FGGY: variants seen among roughly 807,000 people sequenced by gnomAD.
The protein encoded by FGGY is FGGY carbohydrate kinase domain containing, also known as FGGY carbohydrate kinase domain-containing protein.
A neutral mutation model predicts 71.3 loss-of-function variants in FGGY; 72 were observed. That is an observed-to-expected ratio of 1.01 (90% CI 0.84 to 1.23). FGGY has a LOEUF of 1.23. Ranked by LOEUF, FGGY falls within the 50% of genes most tolerant of loss-of-function variation. The pLI, the probability that FGGY is intolerant of heterozygous loss-of-function variation, is 0.00. For synonymous variants in FGGY, 251 were observed against 250.3 expected (o/e 1.00, Z -0.02); for missense variants, 668 against 682.3 (o/e 0.98, Z 0.23).
chr1:59,413,849 T>C (rs979334924), intron 5 of FGGY, among the ~76,000 whole-genome samples: 23 of 152,144 alleles, frequency 1.5e-4, no homozygotes, highest in Admixed American at 1.4e-3. Context: ...TAGTCCCATC[T>C]CCTTGGGAGG....
intron 12 of FGGY, among the ~76,000 whole-genome samples, chr1:59,662,110 A>C (rs2097280620): frequency 1.3e-5 from 2 of 148,736 alleles, no homozygotes; most frequent in Non-Finnish European, 3.0e-5. Context: ...TCACGAGGTC[A>C]GGAGATCGAG....
chr1:59,663,705 G>A (rs543067443), intron 12 of FGGY, among the ~76,000 whole-genome samples: 14 of 152,206 alleles, frequency 9.2e-5, no homozygotes, highest in Admixed American at 8.5e-4. Flanking sequence ...TTTTTGTGGA[G>A]TCAAGTGAAT....
chr1:59,300,832 C>T (rs1466424283), intron 1 of FGGY, among the ~76,000 whole-genome samples: 1 of 152,074 alleles, frequency 6.6e-6, no homozygotes, highest in East Asian at 1.9e-4. Flanking sequence ...TTCAGTTGAT[C>T]TCTTGTCTAT....
intron 5 of FGGY, among the ~76,000 whole-genome samples, chr1:59,446,230 A>G (rs1395576818): frequency 1.3e-5 from 2 of 152,230 alleles, no homozygotes; most frequent in East Asian, 3.9e-4. Context: ...TTTGGTGGCA[A>G]CTTTAAGATC....
intron 4 of FGGY, among the ~76,000 whole-genome samples, chr1:59,376,683 T>A (rs1185007073): frequency 6.6e-6 from 1 of 152,208 alleles, no homozygotes. Flanking sequence ...TCCTACTGTG[T>A]GTTACCCTGC....
At chr1:59,713,838 A>G (rs980002195) in intron 14 of FGGY, among the ~76,000 whole-genome samples, 6 of 152,214 alleles carry the variant, frequency 3.9e-5, no homozygotes, top group Non-Finnish European at 5.9e-5. Flanking sequence ...CGCCCTGGAT[A>G]CAATTAGTAT....
At chr1:59,576,936 T>C (rs1024622505) in intron 8 of FGGY, among the ~76,000 whole-genome samples, 1 of 152,170 alleles carries the variant, frequency 6.6e-6, no homozygotes, top group African/African-American at 2.4e-5. Flanking sequence ...TGCCATTGGA[T>C]ACTCAGTATC....
chr1:59,717,008 C>T (rs2100495831), intron 14 of FGGY, among the ~76,000 whole-genome samples: 1 of 152,284 alleles, frequency 6.6e-6, no homozygotes, highest in African/African-American at 2.4e-5. Flanking sequence ...TAGTGATCAT[C>T]ATAACACTTA....
chr1:59,607,724 C>T (rs944365328), intron 8 of FGGY, 79 bp from the exon 9 acceptor site: 4 of 1,112,474 alleles, frequency 3.6e-6, no homozygotes, highest in Non-Finnish European at 5.3e-6. Context: ...ATTCCATGGT[C>T]ATAGAAATAT....
At chr1:59,407,849 G>A (rs598142) in intron 5 of FGGY, among the ~76,000 whole-genome samples, 6,060 of 152,198 alleles carry the variant, frequency 0.04, 354 homozygotes, top group African/African-American at 0.14. Flanking sequence ...TTGAAGAACC[G>A]CTGTACCAAG....
At chr1:59,328,478 G>A (rs1381289269) in intron 2 of FGGY, among the ~76,000 whole-genome samples, 1 of 152,216 alleles carries the variant, frequency 6.6e-6, no homozygotes, top group Non-Finnish European at 1.5e-5. Context: ...AAAGAATGTT[G>A]TGGCTGGTTT....
chr1:59,666,836 C>G (rs1460073805), intron 12 of FGGY, among the ~76,000 whole-genome samples: 1 of 152,102 alleles, frequency 6.6e-6, no homozygotes, highest in Admixed American at 6.5e-5. Context: ...GGTGCTTTTT[C>G]TAAGGAAAAA....
At chr1:59,425,153 G>A (rs571747867) in intron 5 of FGGY, among the ~76,000 whole-genome samples, 5 of 152,234 alleles carry the variant, frequency 3.3e-5, no homozygotes, top group South Asian at 2.1e-4. Flanking sequence ...AATGCCTAGC[G>A]TACATTAGGC....
intron 5 of FGGY, among the ~76,000 whole-genome samples, chr1:59,427,116 T>C (rs557002705): frequency 6.6e-6 from 1 of 152,286 alleles, no homozygotes; most frequent in South Asian, 2.1e-4. Context: ...AGGTTTTCAA[T>C]TCTCCCTTTG....
chr1:59,327,608 A>C (rs1199609831), intron 2 of FGGY, among the ~76,000 whole-genome samples: 2 of 152,234 alleles, frequency 1.3e-5, no homozygotes, highest in African/African-American at 4.8e-5. Flanking sequence ...TGAATCATGA[A>C]TGTTCTTAAT....
chr1:59,735,860 T>TC (rs370687202), intron 14 of FGGY, among the ~76,000 whole-genome samples: 1 of 152,096 alleles, frequency 6.6e-6, no homozygotes, highest in African/African-American at 2.4e-5. Flanking sequence ...TAGATTTTTT[T>TC]CCCCCAAATA....
intron 6 of FGGY, among the ~76,000 whole-genome samples, chr1:59,470,953 A>T (rs1461542755): frequency 6.6e-6 from 1 of 152,174 alleles, no homozygotes; most frequent in Non-Finnish European, 1.5e-5. Context: ...AATTTTACTA[A>T]TTTATATTGA....
chr1:59,716,721 G>A (rs1372977694), intron 14 of FGGY, among the ~76,000 whole-genome samples: 2 of 152,180 alleles, frequency 1.3e-5, no homozygotes, highest in African/African-American at 4.8e-5. Context: ...ACAAGAGAGC[G>A]GACAGGGGAG....
At chr1:59,594,116 C>CA (rs2096490795) in intron 8 of FGGY, among the ~76,000 whole-genome samples, 1 of 152,194 alleles carries the variant, frequency 6.6e-6, no homozygotes, top group South Asian at 2.1e-4. Flanking sequence ...GAGAACCCAG[C>CA]AACCCTCATC....
Sources: allele counts gnomAD v4.1 joint callset (sites outside exome capture counted in the v4.1 genomes callset), GRCh38; gene constraint gnomAD v4.1.1; transcripts MANE v1.5; gene names NCBI Gene and HGNC (gene_info 2026-07-23, HGNC 2026-07-21).